Variants in PPP1R42 observed in about 807,000 individuals in gnomAD.
The protein encoded by PPP1R42 is protein phosphatase 1 regulatory subunit 42.
In PPP1R42, 34 loss-of-function variants were observed where a neutral mutation model predicts 31.0. That is an observed-to-expected ratio of 1.10 (90% CI 0.83 to 1.46). PPP1R42 has a LOEUF of 1.46. Among genes scored for constraint, PPP1R42 ranks in the 40% most tolerant of loss-of-function variants. The probability of loss-of-function intolerance (pLI) is 0.00; values close to 1 mark genes in which losing one functional copy is unlikely to be tolerated. For missense variants in PPP1R42, 268 were observed against 303.0 expected, an observed-to-expected ratio of 0.88 and a Z score of 0.86; for synonymous variants, 103 against 109.8, an observed-to-expected ratio of 0.94 and a Z score of 0.39.
chr8:67,010,927 A>C (rs1815824411), intron 4 of PPP1R42, 96 bp from the exon 5 acceptor site: 1 of 1,197,578 alleles, frequency 8.4e-7, no homozygotes, highest in African/African-American at 1.6e-5. Context: ...AAGCTTGATC[A>C]GTTCAGGTTG....
At chr8:66,996,283 C>T (rs1218167504) in intron 5 of PPP1R42, among the ~76,000 whole-genome samples, 1 of 152,196 alleles carries the variant, frequency 6.6e-6, no homozygotes, top group Non-Finnish European at 1.5e-5. Flanking sequence ...AACTCGTGAG[C>T]TCAATCAATC....
At chr8:66,991,011 A>C (rs576518442) in intron 5 of PPP1R42, among the ~76,000 whole-genome samples, 1 of 152,318 alleles carries the variant, frequency 6.6e-6, no homozygotes, top group African/African-American at 2.4e-5. Flanking sequence ...AAACATGTCA[A>C]ATTTTTTATT....
rs191747874 is a variant in PPP1R42 at position 67,013,692 on chromosome 8, C to T, written c.297-596G>A. ...TCATGATCGCGCCACTGCATTCCAG[C>T]CTGGGTGACAGAGCGAGACTCTGTC... On this transcript the variant is annotated intron_variant, in intron 3 of 7. Coordinates refer to ENST00000685739, the MANE Select transcript of PPP1R42 (RefSeq NM_001364910.1). 7.8e-4 allele frequency among the ~76,000 whole-genome samples: 118 copies of T among 152,186 alleles called. 1 individual carries two copies. The highest frequency in any genetic ancestry group is 2.7e-3 in the African/African-American group (111 of 41,538).
chr8:66,996,263 G>T (rs998168914), intron 5 of PPP1R42, among the ~76,000 whole-genome samples: 2 of 152,124 alleles, frequency 1.3e-5, no homozygotes, highest in African/African-American at 4.8e-5. Context: ...TCTTTCCCAG[G>T]CTGGTCTCGA....
At chr8:66,999,862 T>A (rs1287358215) in intron 5 of PPP1R42, among the ~76,000 whole-genome samples, 1 of 152,236 alleles carries the variant, frequency 6.6e-6, no homozygotes, top group African/African-American at 2.4e-5. Flanking sequence ...GCAAGTAATA[T>A]GTTTTTAACT....
intron 6 of PPP1R42, among the ~76,000 whole-genome samples, chr8:66,987,871 G>A (rs111870571): frequency 1.2e-4 from 19 of 152,198 alleles, no homozygotes; most frequent in African/African-American, 4.1e-4. Flanking sequence ...ACTATTAATC[G>A]AGTGTTTTTG....
In PPP1R42 at chr8:67,013,016, T is replaced by A. The variant is rs1451232454; in HGVS notation, c.377A>T (p.Gln126Leu). 1 of 1,612,488 alleles carries A rather than the reference T, an allele frequency of 6.2e-7. No individual in the cohort carries two copies. Among genetic ancestry groups the A allele is most frequent in the Non-Finnish European group, 8.5e-7 (1 of 1,179,424 alleles). ...AAGCTTTTCCCCAAGGGGAAGCCTC[T>A]GATTCTCAACATGAAGCTCTCTTAG... ...GELRELHVENQRLPLGEKLLF... is the reference protein window; with the variant it reads ...GELRELHVENLRLPLGEKLLF... The change falls in exon 4 of 8, where the codon CAG becomes CTG. Residue 126 changes from glutamine to leucine, a missense_variant. Transcript: ENST00000685739.
chr8:67,010,796 A>G lies in PPP1R42; in HGVS notation c.471T>C (p.Asn157=), dbSNP rs776541861. ...GTTCTAAGTCTGTAATGTCATCAAT[A>G]TTATTATTGCTGATATTCAATATAC... The part of the protein sequence containing the change: ...SLCILNISNN[N]IDDITDLELL... The change falls in exon 5 of 8, where the codon AAT becomes AAC. Residue 157 remains asparagine (N), a synonymous_variant. Coordinates refer to ENST00000685739, the MANE Select transcript of PPP1R42 (RefSeq NM_001364910.1). 1.2e-6 allele frequency: 2 copies of G among 1,604,272 alleles called. No individual in the cohort carries two copies. Among genetic ancestry groups the G allele is most frequent in the Non-Finnish European group, 1.7e-6 (2 of 1,176,368 alleles).
chr8:66,982,216 T>C (rs775322903), intron 6 of PPP1R42, 36 bp from the exon 7 acceptor site: 2 of 1,095,746 alleles, frequency 1.8e-6, no homozygotes, highest in East Asian at 5.7e-5. Context: ...AAATACAATA[T>C]ATACATATAA....
At chr8:67,009,341 G>T (rs1392893673) in intron 5 of PPP1R42, among the ~76,000 whole-genome samples, 3 of 152,160 alleles carry the variant, frequency 2.0e-5, no homozygotes, top group Non-Finnish European at 2.9e-5. Flanking sequence ...GCCGAGGTGG[G>T]CAGATCCCCT....
chr8:67,016,518 ATAAAC>A (rs1816021089), intron 2 of PPP1R42, among the ~76,000 whole-genome samples: 1 of 152,262 alleles, frequency 6.6e-6, no homozygotes, highest in South Asian at 2.1e-4. Flanking sequence ...CCAGATAAAC[ATAAAC>A]TTGTCTGATG....
chr8:66,992,838 T>C (rs898825371), intron 5 of PPP1R42, among the ~76,000 whole-genome samples: 2 of 152,200 alleles, frequency 1.3e-5, no homozygotes, highest in Non-Finnish European at 2.9e-5. Context: ...AACCAAATTA[T>C]GTGGGAGGCC....
At chr8:67,010,626 G>A (rs1280547270) in intron 5 of PPP1R42, 89 bp downstream of exon 5, 14 of 844,886 alleles carry the variant, frequency 1.7e-5, no homozygotes, top group Admixed American at 2.6e-5. Flanking sequence ...AGTTTTTAAT[G>A]TGATATATTT....
intron 5 of PPP1R42, among the ~76,000 whole-genome samples, chr8:67,005,518 G>A (rs1004258927): frequency 1.4e-4 from 21 of 152,116 alleles, no homozygotes; most frequent in African/African-American, 4.8e-4. Flanking sequence ...ATGCTTACTT[G>A]ACATGTCCAT....
intron 1 of PPP1R42, 31 bp downstream of exon 1, chr8:67,028,460 T>C: frequency 2.0e-6 from 2 of 984,794 alleles, no homozygotes; most frequent in Non-Finnish European, 2.4e-6. Context: ...GTTTCCTCGG[T>C]CCCCACGCTT....
Position 66,988,423 on chromosome 8 carries a change from A to T in PPP1R42, c.647T>A (p.Leu216Gln). Residue 216 changes from leucine to glutamine, a missense_variant, in exon 6 of 8, where the codon CTG becomes CAG. By Grantham distance (113) the Leu-to-Gln change is moderately radical. Transcript: ENST00000685739. Reference protein sequence around the residue: ...VCLKPKYRDRLILVSKSLEFL... With the variant: ...VCLKPKYRDRQILVSKSLEFL... ...ACCCAGTGATTTGGACACCAATATC[A>T]GTCTGTCCCTGTATTTTGGTTTGAG... 1 of 1,582,608 alleles carries T rather than the reference A, an allele frequency of 6.3e-7. No homozygotes were observed. Among genetic ancestry groups the T allele is most frequent in the Non-Finnish European group, 8.6e-7 (1 of 1,161,772 alleles).
At position 67,014,433 on chromosome 8, in the gene PPP1R42, C is replaced by A; in HGVS notation, c.289G>T (p.Glu97Ter). 1 of 1,487,504 alleles carries A rather than the reference C, an allele frequency of 6.7e-7. No homozygotes were observed. The highest frequency in any genetic ancestry group is 9.0e-7 in the Non-Finnish European group (1 of 1,116,880). The allele number at this position is 1,487,504 out of a possible 1,614,324, so 92.1% of individuals were successfully genotyped here. A position where few individuals can be genotyped will look rare whatever the true frequency, so the allele number is the denominator to read the frequency against. ...IENLRSLKKL[E>*]KLYLGGNYIA... ...AAAAATAAAAGCACTTACAGTTTTT[C>A]CAGTTTCTTTAATGACCTGAGGTTC... The change falls in exon 3 of 8, where the codon GAA (glutamate) becomes TAA (stop). Residue 97 changes from glutamate to a stop codon, truncating the protein, a stop_gained. Coordinates refer to ENST00000685739, the MANE Select transcript of PPP1R42 (RefSeq NM_001364910.1). LOFTEE classifies it high-confidence loss of function.
chr8:66,982,268 CTT>C, intron 6 of PPP1R42, 88 bp from the exon 7 acceptor site: 1 of 563,996 alleles, frequency 1.8e-6, no homozygotes, highest in Non-Finnish European at 2.7e-6. Flanking sequence ...AGCACAGAAA[CTT>C]AAGTTACACC....
chr8:66,976,379 T>A (rs554983250), intron 7 of PPP1R42, among the ~76,000 whole-genome samples: 3 of 152,174 alleles, frequency 2.0e-5, no homozygotes, highest in Non-Finnish European at 4.4e-5. Flanking sequence ...CAAAACAATA[T>A]CCCCCTCCAC....
Sources: allele counts gnomAD v4.1 joint callset (sites outside exome capture counted in the v4.1 genomes callset), GRCh38; gene constraint gnomAD v4.1.1; transcripts MANE v1.5; gene names NCBI Gene and HGNC (gene_info 2026-07-23, HGNC 2026-07-21).